The following LY75 variants were observed in gnomAD, a reference collection of about 807,000 sequenced individuals.
LY75 encodes the protein C-type lectin domain family 13 member B.
In LY75, 185 loss-of-function variants were observed where a neutral mutation model predicts 231.7. That is an observed-to-expected ratio of 0.80 (90% CI 0.71 to 0.90). The LOEUF (loss-of-function observed/expected upper bound fraction) is 0.90, where lower values mean the gene tolerates loss of function less well. Ranked by LOEUF, LY75 falls within the 40% of genes least tolerant of loss-of-function variation. The pLI is 0.00. For synonymous variants in LY75, 668 were observed against 689.0 expected, an observed-to-expected ratio of 0.97 and a Z score of 0.48; for missense variants, 1,947 against 2,050.2, an observed-to-expected ratio of 0.95 and a Z score of 0.97.
chr2:159,861,068 G>A (rs1008233312), intron 14 of LY75, among the ~76,000 whole-genome samples, 179 bp from the exon 15 acceptor site: 6 of 152,162 alleles, frequency 3.9e-5, no homozygotes, highest in Admixed American at 2.6e-4. Flanking sequence ...ATGTCATAAT[G>A]TCATAAGTTT....
chr2:159,833,413 A>C (rs1683726559), intron 27 of LY75, among the ~76,000 whole-genome samples: 1 of 152,194 alleles, frequency 6.6e-6, no homozygotes. Context: ...CAGTGTGCCT[A>C]GCCCATTTCT....
At chr2:159,823,093 A>G (rs922673636) in intron 28 of LY75, among the ~76,000 whole-genome samples, 2 of 152,180 alleles carry the variant, frequency 1.3e-5, no homozygotes, top group African/African-American at 4.8e-5. Context: ...GGATGGAGAA[A>G]GAGTTTGATG....
At chr2:159,822,393 T>C (rs914194830) in intron 28 of LY75, among the ~76,000 whole-genome samples, 5 of 152,166 alleles carry the variant, frequency 3.3e-5, no homozygotes, top group African/African-American at 4.8e-5. Flanking sequence ...GTAGGCAGTT[T>C]TACGCTCCCA....
At chr2:159,887,566 C>CAAAAAAAAAAAAAAAA (rs369452762) in intron 4 of LY75, among the ~76,000 whole-genome samples, 22 of 103,778 alleles carry the variant, frequency 2.1e-4, no homozygotes, top group Non-Finnish European at 3.2e-4. Context: ...TCAACAACAA[C>CAAAAAAAAAAAAAAAA]AAAAAAAAAA....
At chr2:159,903,609 C>T (rs1190219552) in intron 1 of LY75, 1 of 152,182 alleles carries the variant, frequency 6.6e-6, no homozygotes, top group African/African-American at 2.4e-5. Flanking sequence ...AGCTTAGCTG[C>T]AAAGAAAATA....
intron 7 of LY75, 88 bp from the exon 8 acceptor site, chr2:159,881,328 T>C (rs1249499989): frequency 1.8e-5 from 25 of 1,428,238 alleles, no homozygotes; most frequent in Non-Finnish European, 2.3e-5. Context: ...TATTCTGATA[T>C]GGAGTTTTAA....
chr2:159,863,012 T>A (rs559259390), intron 14 of LY75, among the ~76,000 whole-genome samples: 1 of 148,972 alleles, frequency 6.7e-6, no homozygotes, highest in Non-Finnish European at 1.5e-5. Flanking sequence ...CTCTATGAGA[T>A]CCTTTTTTTT....
chr2:159,836,358 T>C (rs1683827149), intron 25 of LY75, among the ~76,000 whole-genome samples: 1 of 152,154 alleles, frequency 6.6e-6, no homozygotes, highest in Admixed American at 6.5e-5. Flanking sequence ...TTCACACTTG[T>C]TGGGGAGAGA....
chr2:159,843,324 G>C (rs1044772844), intron 23 of LY75, among the ~76,000 whole-genome samples: 4 of 152,042 alleles, frequency 2.6e-5, no homozygotes, highest in African/African-American at 9.7e-5. Context: ...AAAGATAATG[G>C]AGATTTTTTA....
intron 28 of LY75, among the ~76,000 whole-genome samples, chr2:159,827,394 C>G (rs751511468): frequency 4.6e-5 from 7 of 152,180 alleles, no homozygotes; most frequent in Non-Finnish European, 8.8e-5. Context: ...AAATGCAAAT[C>G]AAAACCACAA....
intron 6 of LY75, among the ~76,000 whole-genome samples, chr2:159,884,110 AG>A (rs1159333244): frequency 6.6e-6 from 1 of 152,158 alleles, no homozygotes; most frequent in Non-Finnish European, 1.5e-5. Context: ...TATAAGGCGG[AG>A]TTTTCCTTCA....
chr2:159,858,603 G>A, intron 15 of LY75, 127 bp from the exon 16 acceptor site: 1 of 1,032,650 alleles, frequency 9.7e-7, no homozygotes, highest in Admixed American at 3.4e-5. Context: ...TTCGATAAAT[G>A]AACACATGAA....
chr2:159,848,915 T>C (rs562841702), intron 23 of LY75, among the ~76,000 whole-genome samples: 27 of 152,136 alleles, frequency 1.8e-4, no homozygotes, highest in Non-Finnish European at 3.7e-4. Context: ...GCATAAATTA[T>C]AAGGGTAAGT....
chr2:159,815,652 T>C (rs1560063102), intron 30 of LY75, 79 bp from the exon 31 acceptor site: 2 of 1,472,390 alleles, frequency 1.4e-6, no homozygotes, highest in Non-Finnish European at 1.8e-6. Context: ...ATACATACTT[T>C]AAGAAATATT....
At chr2:159,863,657 A>G (rs375513693) in intron 14 of LY75, among the ~76,000 whole-genome samples, 13 of 152,154 alleles carry the variant, frequency 8.5e-5, no homozygotes, top group African/African-American at 2.4e-4. Context: ...TTTTCTTGCT[A>G]TTGAGTTGTT....
intron 31 of LY75, among the ~76,000 whole-genome samples, chr2:159,814,719 A>C (rs919885635): frequency 6.6e-6 from 1 of 151,508 alleles, no homozygotes; most frequent in Non-Finnish European, 1.5e-5. Context: ...GGAAAAGAAA[A>C]GAAAAGAAAA....
Position 159,904,622 on chromosome 2 carries a change from AC to A in LY75, c.60del (p.Trp20CysfsTer35). Reference protein sequence around the residue: ...RPAGLLMLLFWFFDLAEPSGR... With the variant: ...RPAGLLMLLFXFFDLAEPSGR... ...CCAGAGGGCTCCGCGAGATCGAAGA[AC>A]CAGAAGAGCAGCATGAGGAGCCCCG... is the stretch of plus-strand genomic sequence containing the variant. On this transcript the variant is annotated frameshift_variant, in exon 1 of 35. Coordinates refer to ENST00000263636, the MANE Select transcript of LY75 (RefSeq NM_002349.4). LOFTEE classifies it high-confidence loss of function. 2 of 1,509,142 alleles carry A rather than the reference AC, an allele frequency of 1.3e-6. No homozygotes were observed. 93.5% of individuals were successfully genotyped at this position (1,509,142 alleles called of 1,614,324 possible).
At chr2:159,857,248 C>T (rs1684574945) in intron 16 of LY75, among the ~76,000 whole-genome samples, 1 of 152,212 alleles carries the variant, frequency 6.6e-6, no homozygotes, top group Admixed American at 6.6e-5. Flanking sequence ...CCTGATGTCA[C>T]ATCTGAAGCT....
At chr2:159,807,351 C>G (rs1223526627) in intron 33 of LY75, among the ~76,000 whole-genome samples, 1 of 152,232 alleles carries the variant, frequency 6.6e-6, no homozygotes, top group East Asian at 1.9e-4. Flanking sequence ...CCAGTGACTA[C>G]TATATTGGAC....
Sources: allele counts gnomAD v4.1 joint callset (sites outside exome capture counted in the v4.1 genomes callset), GRCh38; gene constraint gnomAD v4.1.1; transcripts MANE v1.5; gene names NCBI Gene and HGNC (gene_info 2026-07-23, HGNC 2026-07-21).